The following FGD6 variants were observed in gnomAD, a reference collection of about 807,000 sequenced individuals.
The protein encoded by FGD6 is FYVE, RhoGEF and PH domain-containing protein 6.
In FGD6, 90 loss-of-function variants were observed where a neutral mutation model predicts 149.4. The observed-to-expected ratio is 0.60, with a 90% CI of 0.51 to 0.72. FGD6 has a LOEUF of 0.72. Among genes scored for constraint, FGD6 ranks in the 30% least tolerant of loss-of-function variants. The pLI is 0.00. For missense variants in FGD6, 1,437 were observed against 1,684.8 expected (o/e 0.85, Z 2.57); for synonymous variants, 527 against 584.0 (o/e 0.90, Z 1.41).
chr12:95,127,779 T>C lies in FGD6; in HGVS notation c.3082+6960A>G, dbSNP rs149105097. ...TATGTTGTTAAAGTAGCCTTTTATA[T>C]AACATAAATATTTTGAACAAGATCA... On this transcript the variant is annotated intron_variant, in intron 8 of 20. Transcript: ENST00000343958. Among the ~76,000 whole-genome samples, 981 of 152,290 alleles carry C rather than the reference T, an allele frequency of 6.4e-3. 16 individuals are homozygous for C. Among genetic ancestry groups the C allele is most frequent in the African/African-American group, 0.021 (873 of 41,566 alleles).
At position 95,209,543 on chromosome 12, in the gene FGD6, C is replaced by T; in HGVS notation, c.1741G>A (p.Glu581Lys). The change falls in exon 2 of 21, where the codon GAA (glutamate) becomes AAA (lysine). Residue 581 changes from glutamate (E) to lysine (K), a missense_variant. Glu to Lys is a moderately conservative substitution (Grantham distance 56). Coordinates refer to ENST00000343958, the MANE Select transcript of FGD6 (RefSeq NM_018351.4). ...GATACGGTGACAGACTTTAAGAATT[C>T]TGGGTTCCCTGAAAAGGGTAAAATA... The part of the protein sequence containing the change: ...HPILPFSGNP[E>K]FLKSVTVSSN... The T allele has an allele frequency of 6.2e-7, 1 of 1,614,082 alleles. No individual in the cohort carries two copies. Among genetic ancestry groups the T allele is most frequent in the Non-Finnish European group, 8.5e-7 (1 of 1,180,014 alleles).
chr12:95,167,799 T>C (rs1880866507), intron 3 of FGD6, among the ~76,000 whole-genome samples: 1 of 152,054 alleles, frequency 6.6e-6, no homozygotes, highest in Non-Finnish European at 1.5e-5. Flanking sequence ...GGTATCGAAC[T>C]CCTGACCTCA....
In FGD6 at chr12:95,209,605, C is replaced by T. The variant is rs144951449; in HGVS notation, c.1679G>A (p.Arg560Gln). 30 of 1,613,876 alleles carry T rather than the reference C, an allele frequency of 1.9e-5. No individual in the cohort carries two copies. In the African/African-American group the frequency reaches 2.9e-4, roughly 16 times the overall value. ...CTTCCACACTGGCTTTTCTGAAGCC[C>T]GTTTAGGCATATCAAAGGAGGATGA... ...GVSSSFDMPK[R>Q]ASEKPVWKLP... The change falls in exon 2 of 21, where the codon CGG becomes CAG. Residue 560 changes from arginine (R) to glutamine (Q), a missense_variant. By Grantham distance (43) the Arg-to-Gln change is conservative. This residue lies in a region of FGD6 where 1,055 missense variants were observed against 1,146.0 expected (regional missense o/e 0.92). Coordinates refer to ENST00000343958, the MANE Select transcript of FGD6 (RefSeq NM_018351.4).
rs1161467524 is a variant in FGD6, at chr12:95,208,829, C to G, written c.2441+14G>C. The G allele has an allele frequency of 1.9e-6, 3 of 1,604,432 alleles. No homozygotes were observed. Among genetic ancestry groups the G allele is most frequent in the Non-Finnish European group, 2.6e-6 (3 of 1,174,754 alleles). ...CAATGATGCATGCAAAAGTGTCTGT[C>G]TGGCACCTGTTACCTGGAATGCTGA... On this transcript the variant is annotated intron_variant, in intron 2 of 20. Coordinates refer to ENST00000343958, the MANE Select transcript of FGD6 (RefSeq NM_018351.4).
chr12:95,098,837 T>TG (rs1878325499), intron 14 of FGD6, among the ~76,000 whole-genome samples: 1 of 152,040 alleles, frequency 6.6e-6, no homozygotes, highest in African/African-American at 2.4e-5. Flanking sequence ...CTCCATGGAA[T>TG]GTCAGCTCAG....
chr12:95,152,097 G>C (rs974237252), intron 5 of FGD6, among the ~76,000 whole-genome samples: 1 of 152,100 alleles, frequency 6.6e-6, no homozygotes, highest in Non-Finnish European at 1.5e-5. Flanking sequence ...AGGCCAAGGC[G>C]GGTTGATCAC....
At position 95,208,874 on chromosome 12, in the gene FGD6, G is replaced by C; in HGVS notation, c.2410C>G (p.Leu804Val). Residue 804 changes from leucine to valine, a missense_variant, in exon 2 of 21, where the codon CTG becomes GTG. Coordinates refer to ENST00000343958, the MANE Select transcript of FGD6 (RefSeq NM_018351.4). ...TGCTGATGTCTGGGTCCAAGCTGCAGCTGGCCATCTGGAGCTTCATACGGC... is the reference window on the plus strand; with the variant it reads ...TGCTGATGTCTGGGTCCAAGCTGCACCTGGCCATCTGGAGCTTCATACGGC... ...EEPYEAPDGQ[L>V]QLGPRHQHSS... 6.2e-7 allele frequency: 1 copy of C among 1,613,684 alleles called. No homozygotes were observed. The highest frequency in any genetic ancestry group is 8.5e-7 in the Non-Finnish European group (1 of 1,179,724).
intron 5 of FGD6, 64 bp from the exon 6 acceptor site, chr12:95,141,603 C>T: frequency 6.4e-7 from 1 of 1,551,426 alleles, no homozygotes; most frequent in Middle Eastern, 1.7e-4. Flanking sequence ...AGCTTTTATC[C>T]TCAGTCCCCC....
Position 95,194,078 on chromosome 12 carries a change from C to A in FGD6, c.2441+14765G>T, listed in dbSNP as rs567474108. ...ACTCCCAAGTAGCTAGGACTACGGG[C>A]ATGTACCATCACGTTTTTAAATTTT... On this transcript the variant is annotated intron_variant, in intron 2 of 20. Coordinates refer to ENST00000343958, the MANE Select transcript of FGD6 (RefSeq NM_018351.4). Among the ~76,000 whole-genome samples, 6 of 152,066 alleles carry A rather than the reference C, an allele frequency of 3.9e-5. No individual in the cohort carries two copies. The South Asian group carries it at 6.2e-4, about 16-fold the overall frequency.
chr12:95,086,543 T>C lies in FGD6; in HGVS notation c.3979-635A>G, dbSNP rs540110037. On this transcript the variant is annotated intron_variant, in intron 18 of 20. Transcript: ENST00000343958. ...CTGATTGATTTTTTTTTTCTTTTTT[T>C]TTTTTTTTTTTTTTGAGACTGAGTC... is the stretch of plus-strand genomic sequence containing the variant. Among the ~76,000 whole-genome samples the C allele has an allele frequency of 5.9e-4, 80 of 135,534 alleles. 1 individual carries two copies. In the South Asian group the frequency reaches 6.4e-3, roughly 11 times the overall value. 88.9% of individuals were successfully genotyped at this position (135,534 alleles called of 152,430 possible). A position where few individuals can be genotyped will look rare whatever the true frequency, so the allele number is the denominator to read the frequency against.
At position 95,213,833 on chromosome 12, in the gene FGD6, C is replaced by T. The variant is rs141117341; in HGVS notation, c.17-2566G>A. Among the ~76,000 whole-genome samples, 3 of 152,330 alleles carry T rather than the reference C, an allele frequency of 2.0e-5. 1 individual carries two copies. Among genetic ancestry groups the T allele is most frequent in the African/African-American group, 7.2e-5 (3 of 41,572 alleles). ...GTACATAAAACCCTCAACGCATACT[C>T]ACTGAATTCAATTAATAACTGTGAA... On this transcript the variant is annotated intron_variant, in intron 1 of 20. Transcript: ENST00000343958.
intron 1 of FGD6, 131 bp from the exon 2 acceptor site, chr12:95,211,398 G>T: frequency 9.5e-7 from 1 of 1,050,296 alleles, no homozygotes; most frequent in South Asian, 2.0e-5. Context: ...ACATTATATA[G>T]TATCAATATT....
rs573603063 is a variant in FGD6 at position 95,089,861 on chromosome 12, AG to A, written c.3851-166del. 2.4e-4 allele frequency among the ~76,000 whole-genome samples: 36 copies of A among 152,330 alleles called. No individual in the cohort carries two copies. In the East Asian group the frequency reaches 6.9e-3, roughly 29 times the overall value. ...AATGGATGGCTGGGAGTTGAGTGGCAGGAAGACTTTCTACTATCTATGGTTT... is the reference window on the plus strand; with the variant it reads ...AATGGATGGCTGGGAGTTGAGTGGCAGAAGACTTTCTACTATCTATGGTTT... On this transcript the variant is annotated intron_variant, in intron 17 of 20. Transcript: ENST00000343958.
In FGD6 at chr12:95,084,641, C is replaced by T. The variant is rs747515661; in HGVS notation, c.4113G>A (p.Val1371=). The change falls in exon 20 of 21, where the codon GTG becomes GTA. Residue 1371 remains valine (V), a synonymous_variant. Coordinates refer to ENST00000343958, the MANE Select transcript of FGD6 (RefSeq NM_018351.4). The part of the protein sequence containing the change: ...VLYTYAASED[V]AALESQPLLG... ...ATAAAGGCTGACTCTCCAAAGCGGC[C>T]ACGTCCTAATTTAAAAACATACAAA... is the stretch of plus-strand genomic sequence containing the variant. The T allele has an allele frequency of 2.9e-5, 46 of 1,571,816 alleles. No homozygotes were observed. The highest frequency in any genetic ancestry group is 3.8e-5 in the Non-Finnish European group (44 of 1,167,498).
intron 3 of FGD6, among the ~76,000 whole-genome samples, chr12:95,164,619 T>A (rs961667701): frequency 1.3e-5 from 2 of 152,040 alleles, no homozygotes; most frequent in Non-Finnish European, 2.9e-5. Flanking sequence ...TTAGTAGAGA[T>A]GGAGTTTCAC....
At chr12:95,171,627 C>T (rs7957893) in intron 3 of FGD6, among the ~76,000 whole-genome samples, 133,102 of 152,126 alleles carry the variant, frequency 0.87, 58,573 homozygotes, top group African/African-American at 0.96. Context: ...GCCATTCTCC[C>T]GCCTCAGCCT....
At chr12:95,157,346 C>T (rs1016992576) in intron 3 of FGD6, among the ~76,000 whole-genome samples, 7 of 152,120 alleles carry the variant, frequency 4.6e-5, no homozygotes, top group Non-Finnish European at 8.8e-5. Context: ...GTGGGTGGAT[C>T]ACCTGAGGTC....
At chr12:95,083,026 T>TACACACACACACACACAC in intron 20 of FGD6, among the ~76,000 whole-genome samples, 3 of 78,864 alleles carry the variant, frequency 3.8e-5, no homozygotes, top group African/African-American at 1.4e-4. Context: ...TATATATATA[T>TACACACACACACACACAC]ATATACACAC....
At chr12:95,141,620 C>A in intron 5 of FGD6, 81 bp from the exon 6 acceptor site, 1 of 1,489,808 alleles carries the variant, frequency 6.7e-7, no homozygotes, top group South Asian at 1.3e-5. Context: ...CCCCTCCTCC[C>A]TAAAATGATA....
Sources: allele counts gnomAD v4.1 joint callset (sites outside exome capture counted in the v4.1 genomes callset), GRCh38; gene constraint gnomAD v4.1.1; regional missense constraint gnomAD v4.1.1; transcripts MANE v1.5; gene names NCBI Gene and HGNC (gene_info 2026-07-23, HGNC 2026-07-21).